The following PTPRO variants were observed in gnomAD, a reference collection of about 807,000 sequenced individuals.
The protein encoded by PTPRO is receptor-type tyrosine-protein phosphatase O.
A neutral mutation model predicts 145.2 loss-of-function variants in PTPRO; 62 were observed. That is an observed-to-expected ratio of 0.43 (90% CI 0.35 to 0.53). The LOEUF is 0.53. PTPRO is among the 20% of genes least tolerant of loss of function. The pLI is 0.01. For missense variants in PTPRO, 1,345 were observed against 1,482.7 expected, an observed-to-expected ratio of 0.91 and a Z score of 1.53; for synonymous variants, 565 against 514.7, an observed-to-expected ratio of 1.10 and a Z score of -1.32.
chr12:15,542,022 T>A (rs78663189), intron 12 of PTPRO, among the ~76,000 whole-genome samples: 1,636 of 151,356 alleles, frequency 0.011, 27 homozygotes, highest in African/African-American at 0.037. Context: ...AAAAAAAAAA[T>A]AGTCACATTC....
At position 15,590,236 on chromosome 12, in the gene PTPRO, A is replaced by C. The variant is rs117299052; in HGVS notation, c.3546+646A>C. Among the ~76,000 whole-genome samples the C allele has an allele frequency of 3.7e-3, 569 of 152,214 alleles. 10 individuals are homozygous for C. The East Asian group carries it at 0.045, about 12-fold the overall frequency. On this transcript the variant is annotated intron_variant, in intron 25 of 26. Transcript: ENST00000281171. Reference sequence around the variant, plus strand: ...TCCCTCCCTGAAAGCCTGAGGATGCACTTAGTCTGGAGCGACAACCCAAGG... The same window carrying C: ...TCCCTCCCTGAAAGCCTGAGGATGCCCTTAGTCTGGAGCGACAACCCAAGG...
At chr12:15,440,066 T>G in intron 1 of PTPRO, 1 of 639,264 alleles carries the variant, frequency 1.6e-6, no homozygotes, top group Non-Finnish European at 2.8e-6. Context: ...CACTGTCCCT[T>G]GCAAGGTGAC....
Position 15,511,003 on chromosome 12 carries a change from CA to C in PTPRO, c.1464+2255del, listed in dbSNP as rs10648692. On this transcript the variant is annotated intron_variant, in intron 7 of 26. Coordinates refer to ENST00000281171, the MANE Select transcript of PTPRO (RefSeq NM_030667.3). ...GTAACATAGTGAAACTCTGTCTCCA[CA>C]AAAAAAAAAAAAAAAAAATTGCCTA... 4.9e-3 allele frequency among the ~76,000 whole-genome samples: 523 copies of C among 105,660 alleles called. 3 individuals carry two copies. The highest frequency in any genetic ancestry group is 9.9e-3 in the East Asian group (32 of 3,246). The allele number at this position is 105,660 out of a possible 152,430, so 69.3% of individuals were successfully genotyped here. A position where few individuals can be genotyped will look rare whatever the true frequency, so the allele number is the denominator to read the frequency against.
At chr12:15,441,037 C>G (rs536990149) in intron 1 of PTPRO, among the ~76,000 whole-genome samples, 1 of 152,286 alleles carries the variant, frequency 6.6e-6, no homozygotes, top group Admixed American at 6.5e-5. Flanking sequence ...AGAAAACACT[C>G]AACCCACAAA....
chr12:15,491,267 G>C (rs758248558), intron 2 of PTPRO, among the ~76,000 whole-genome samples: 5 of 152,182 alleles, frequency 3.3e-5, no homozygotes, highest in African/African-American at 1.2e-4. Flanking sequence ...CACATCAGAG[G>C]TTACTGAACA....
intron 1 of PTPRO, among the ~76,000 whole-genome samples, chr12:15,386,249 T>C (rs569084208): frequency 1.3e-3 from 194 of 152,196 alleles, no homozygotes; most frequent in African/African-American, 4.3e-3. Flanking sequence ...CCTTATCAGA[T>C]GCATAATTAA....
chr12:15,435,427 T>C (rs1940567766), intron 1 of PTPRO, among the ~76,000 whole-genome samples: 1 of 152,188 alleles, frequency 6.6e-6, no homozygotes, highest in Non-Finnish European at 1.5e-5. Context: ...CTGTCATTCT[T>C]TCAAAAATAA....
At chr12:15,524,550 C>G (rs1424556252) in intron 10 of PTPRO, among the ~76,000 whole-genome samples, 2 of 152,036 alleles carry the variant, frequency 1.3e-5, no homozygotes, top group African/African-American at 4.8e-5. Context: ...TGACATTTAT[C>G]CAAAAGACTT....
intron 17 of PTPRO, 84 bp downstream of exon 17, chr12:15,560,360 A>T: frequency 9.2e-7 from 1 of 1,082,598 alleles, no homozygotes; most frequent in Non-Finnish European, 1.4e-6. Context: ...GTTTCTTTTT[A>T]ACTATTTTGT....
At chr12:15,384,888 A>C (rs1176143584) in intron 1 of PTPRO, among the ~76,000 whole-genome samples, 1 of 152,202 alleles carries the variant, frequency 6.6e-6, no homozygotes, top group African/African-American at 2.4e-5. Flanking sequence ...GACCTATGAC[A>C]AGTAGAAAAT....
intron 12 of PTPRO, among the ~76,000 whole-genome samples, chr12:15,538,486 G>T (rs1565693299): frequency 1.3e-5 from 2 of 152,166 alleles, no homozygotes; most frequent in South Asian, 4.1e-4. Context: ...GCCTCCCATA[G>T]TGCTGGGATT....
chr12:15,525,099 G>C (rs1942810282), intron 11 of PTPRO, 134 bp downstream of exon 11: 2 of 1,068,596 alleles, frequency 1.9e-6, no homozygotes, highest in South Asian at 1.4e-5. Context: ...CTGGAGATAA[G>C]ACAGTGAACA....
chr12:15,479,915 G>T (rs1044816551), intron 1 of PTPRO, among the ~76,000 whole-genome samples: 7 of 152,298 alleles, frequency 4.6e-5, no homozygotes, highest in Admixed American at 2.6e-4. Context: ...GCACCCATGA[G>T]CCAAGGGGTC....
intron 1 of PTPRO, among the ~76,000 whole-genome samples, chr12:15,449,709 A>G (rs1940998467): frequency 1.3e-5 from 2 of 152,200 alleles, no homozygotes; most frequent in African/African-American, 4.8e-5. Flanking sequence ...CATTTATACA[A>G]TGAAAATAGT....
At chr12:15,448,338 G>GT (rs1196678867) in intron 1 of PTPRO, among the ~76,000 whole-genome samples, 1 of 3,866 alleles carries the variant, frequency 2.6e-4, no homozygotes, top group African/African-American at 3.1e-4. Flanking sequence ...CCTGTTCCTA[G>GT]TAAAAAAAAA....
At chr12:15,420,422 G>C (rs1415948890) in intron 1 of PTPRO, among the ~76,000 whole-genome samples, 1 of 151,482 alleles carries the variant, frequency 6.6e-6, no homozygotes, top group Non-Finnish European at 1.5e-5. Context: ...ATTTTACCAA[G>C]ATTCTCCCAC....
At chr12:15,590,238 T>A (rs1944518191) in intron 25 of PTPRO, among the ~76,000 whole-genome samples, 1 of 152,154 alleles carries the variant, frequency 6.6e-6, no homozygotes, top group African/African-American at 2.4e-5. Flanking sequence ...GAGGATGCAC[T>A]TAGTCTGGAG....
chr12:15,464,292 A>C (rs1395995738), intron 1 of PTPRO, among the ~76,000 whole-genome samples: 5 of 152,168 alleles, frequency 3.3e-5, no homozygotes, highest in African/African-American at 4.8e-5. Flanking sequence ...AATCATGTGG[A>C]TCTAACACAC....
At position 15,565,545 on chromosome 12, in the gene PTPRO, T is replaced by C. The variant is rs560115164; in HGVS notation, c.2712-48T>C. 4.1e-6 allele frequency: 5 copies of C among 1,227,838 alleles called. 1 individual carries two copies. Among genetic ancestry groups the C allele is most frequent in the Admixed American group, 1.7e-5 (1 of 57,364 alleles). 76.1% of individuals were successfully genotyped at this position (1,227,838 alleles called of 1,614,324 possible). A position where few individuals can be genotyped will look rare whatever the true frequency, so the allele number is the denominator to read the frequency against. ...TGTTCAAGTTTAATTATTATGTTAA[T>C]CAATTCTTCTGCCCAGATAAATTTG... On this transcript the variant is annotated intron_variant, in intron 17 of 26. Coordinates refer to ENST00000281171, the MANE Select transcript of PTPRO (RefSeq NM_030667.3).
Sources: allele counts gnomAD v4.1 joint callset (sites outside exome capture counted in the v4.1 genomes callset), GRCh38; gene constraint gnomAD v4.1.1; transcripts MANE v1.5; gene names NCBI Gene and HGNC (gene_info 2026-07-23, HGNC 2026-07-21).